Variants in PCBP3 observed in about 807,000 individuals in gnomAD.
The protein encoded by PCBP3 is poly(rC)-binding protein 3.
PCBP3 carries 25 observed loss-of-function variants against 52.7 expected under a neutral mutation model. That is an observed-to-expected ratio of 0.47 (90% CI 0.35 to 0.66). The LOEUF (loss-of-function observed/expected upper bound fraction) is 0.66, where lower values mean the gene tolerates loss of function less well. Ranked by LOEUF, PCBP3 falls within the 30% of genes least tolerant of loss-of-function variation. The probability of loss-of-function intolerance (pLI) is 0.01; values close to 1 mark genes in which losing one functional copy is unlikely to be tolerated. For synonymous variants in PCBP3, 162 were observed against 183.0 expected (o/e 0.89, Z 0.93); for missense variants, 391 against 490.3 (o/e 0.80, Z 1.91).
intron 1 of PCBP3, among the ~76,000 whole-genome samples, chr21:45,647,846 A>T (rs948351962): frequency 6.6e-6 from 1 of 152,202 alleles, no homozygotes; most frequent in African/African-American, 2.4e-5. Flanking sequence ...AGGGGAGTTA[A>T]GGCAGCAGAT....
At position 45,740,486 on chromosome 21, in the gene PCBP3, C is replaced by T. The variant is rs577454454; in HGVS notation, c.-162+5057C>T. On this transcript the variant is annotated intron_variant, in intron 3 of 17. Transcript: ENST00000681687. ...TGACAGGCAAGATGTTTTTAAAGGG[C>T]AAAAGTCACCAAGAAATTGAGAAAG... 2.6e-5 allele frequency among the ~76,000 whole-genome samples: 4 copies of T among 152,308 alleles called. No homozygotes were observed. The South Asian group carries it at 8.3e-4, about 32-fold the overall frequency.
chr21:45,929,004 A>G (rs937650846), intron 13 of PCBP3, among the ~76,000 whole-genome samples: 2 of 152,188 alleles, frequency 1.3e-5, no homozygotes, highest in Non-Finnish European at 2.9e-5. Context: ...AGGCCTGAGG[A>G]GCACCATGCC....
At chr21:45,689,949 A>C (rs1179567703) in intron 2 of PCBP3, among the ~76,000 whole-genome samples, 1 of 152,138 alleles carries the variant, frequency 6.6e-6, no homozygotes, top group Admixed American at 6.5e-5. Flanking sequence ...TGATCTACAG[A>C]TTGAAAGCTA....
At chr21:45,650,105 T>A (rs1014663053) in intron 1 of PCBP3, among the ~76,000 whole-genome samples, 2 of 151,700 alleles carry the variant, frequency 1.3e-5, no homozygotes, top group Non-Finnish European at 2.9e-5. Context: ...GGCTGGAGGA[T>A]CATTTGAGCG....
chr21:45,936,772 G>C (rs1374071320), intron 16 of PCBP3, among the ~76,000 whole-genome samples: 1 of 152,212 alleles, frequency 6.6e-6, no homozygotes, highest in African/African-American at 2.4e-5. Flanking sequence ...AGCTTTAAGA[G>C]AATGAGACAT....
At chr21:45,940,420 G>A (rs1351233916) in intron 17 of PCBP3, among the ~76,000 whole-genome samples, 4 of 152,270 alleles carry the variant, frequency 2.6e-5, no homozygotes, top group Non-Finnish European at 2.9e-5. Flanking sequence ...CCTCCCACCC[G>A]AAGCGTCTCC....
intron 4 of PCBP3, among the ~76,000 whole-genome samples, chr21:45,795,654 GA>G (rs1181931566): frequency 6.6e-6 from 1 of 152,142 alleles, no homozygotes; most frequent in Non-Finnish European, 1.5e-5. Flanking sequence ...TACAATGAAT[GA>G]ACTGGCCATA....
At chr21:45,927,850 G>A (rs1039450762) in intron 13 of PCBP3, among the ~76,000 whole-genome samples, 1 of 152,174 alleles carries the variant, frequency 6.6e-6, no homozygotes, top group African/African-American at 2.4e-5. Flanking sequence ...GAGCCATCTT[G>A]GAGCCGACTC....
intron 2 of PCBP3, among the ~76,000 whole-genome samples, chr21:45,700,550 T>G (rs1371844026): frequency 6.6e-6 from 1 of 152,150 alleles, no homozygotes; most frequent in Non-Finnish European, 1.5e-5. Context: ...CAGGGACAGT[T>G]CCTTCTGCAA....
chr21:45,856,142 C>T (rs2094286397), intron 5 of PCBP3, among the ~76,000 whole-genome samples: 1 of 152,186 alleles, frequency 6.6e-6, no homozygotes, highest in South Asian at 2.1e-4. Context: ...CTGGATCTTT[C>T]CCCTTCCAGA....
At chr21:45,751,991 A>G (rs947077217) in intron 3 of PCBP3, among the ~76,000 whole-genome samples, 16 of 152,072 alleles carry the variant, frequency 1.1e-4, no homozygotes, top group Admixed American at 3.3e-4. Flanking sequence ...CCCTCAATTT[A>G]AACATTTATT....
intron 5 of PCBP3, among the ~76,000 whole-genome samples, chr21:45,870,408 A>G (rs980665094): frequency 6.6e-6 from 1 of 152,224 alleles, no homozygotes. Flanking sequence ...TGAGTCTCCT[A>G]AAAACATTAA....
intron 3 of PCBP3, among the ~76,000 whole-genome samples, chr21:45,740,305 C>T (rs376487483): frequency 3.3e-5 from 5 of 152,200 alleles, no homozygotes; most frequent in East Asian, 1.9e-4. Flanking sequence ...TCTGCGTGCC[C>T]GCCTCACTGG....
At chr21:45,906,904 C>T (rs779684106) in intron 9 of PCBP3, among the ~76,000 whole-genome samples, 17 of 152,192 alleles carry the variant, frequency 1.1e-4, no homozygotes, top group Non-Finnish European at 2.4e-4. Context: ...ATTTGAAACG[C>T]CTCCCAGGGT....
At chr21:45,938,076 C>T (rs758909576) in intron 16 of PCBP3, among the ~76,000 whole-genome samples, 8 of 152,124 alleles carry the variant, frequency 5.3e-5, no homozygotes, top group Non-Finnish European at 8.8e-5. Context: ...GAGGGGGATG[C>T]GTGCCAGAGC....
At chr21:45,886,375 C>T (rs1277182409) in intron 5 of PCBP3, among the ~76,000 whole-genome samples, 1 of 141,802 alleles carries the variant, frequency 7.1e-6, no homozygotes, top group Non-Finnish European at 1.5e-5. Context: ...CTCATTGCCG[C>T]GGGTGCCAAG....
At chr21:45,655,396 T>G (rs1031427472) in intron 1 of PCBP3, among the ~76,000 whole-genome samples, 1 of 152,044 alleles carries the variant, frequency 6.6e-6, no homozygotes, top group Non-Finnish European at 1.5e-5. Context: ...TTTATGAGGG[T>G]TCCAATTTCT....
At chr21:45,647,006 C>T (rs1165462814) in intron 1 of PCBP3, among the ~76,000 whole-genome samples, 1 of 152,020 alleles carries the variant, frequency 6.6e-6, no homozygotes, top group African/African-American at 2.4e-5. Context: ...TGAATCTTTT[C>T]TTTCTCTTGA....
intron 15 of PCBP3, among the ~76,000 whole-genome samples, chr21:45,935,012 AC>A (rs201001203): frequency 2.6e-5 from 4 of 152,222 alleles, no homozygotes; most frequent in African/African-American, 9.7e-5. Flanking sequence ...AATGAAAAAA[AC>A]AAAATGTCCT....
Sources: gnomAD v4.1 joint callset for allele counts (sites outside exome capture counted in the v4.1 genomes callset) on GRCh38, gnomAD v4.1.1 for gene constraint, MANE v1.5 for transcripts, NCBI Gene and HGNC (gene_info 2026-07-23, HGNC 2026-07-21) for gene names.